VAMP4: variants seen among roughly 807,000 people sequenced by gnomAD.
VAMP4 encodes the protein vesicle-associated membrane protein 4.
Under a neutral mutation model 23.5 loss-of-function variants are expected in VAMP4, and 19 were observed. The observed-to-expected ratio is 0.81, with a 90% CI of 0.56 to 1.19. The LOEUF is 1.19. Among genes scored for constraint, VAMP4 ranks in the 50% most tolerant of loss-of-function variants. The pLI is 0.00. For synonymous variants in VAMP4, 31 were observed against 51.0 expected, an observed-to-expected ratio of 0.61 and a Z score of 1.67; for missense variants, 145 against 168.6, an observed-to-expected ratio of 0.86 and a Z score of 0.78.
At chr1:171,711,039 A>T (rs1388405869) in intron 4 of VAMP4, among the ~76,000 whole-genome samples, 1 of 152,160 alleles carries the variant, frequency 6.6e-6, no homozygotes, top group African/African-American at 2.4e-5. Flanking sequence ...AAGATAGCTT[A>T]CTTTTAGCCC....
intron 2 of VAMP4, among the ~76,000 whole-genome samples, chr1:171,736,640 C>T (rs1655749167): frequency 6.7e-6 from 1 of 148,764 alleles, no homozygotes; most frequent in Admixed American, 6.7e-5. Context: ...GATTCTATTT[C>T]CCCATTAAAA....
chr1:171,739,875 C>A (rs1655873071), intron 1 of VAMP4, among the ~76,000 whole-genome samples: 1 of 152,156 alleles, frequency 6.6e-6, no homozygotes, highest in Non-Finnish European at 1.5e-5. Context: ...TTGTGACTTT[C>A]CAGGAAAATG....
At chr1:171,728,438 C>A in intron 3 of VAMP4, 86 bp downstream of exon 3, 1 of 1,122,096 alleles carries the variant, frequency 8.9e-7, no homozygotes, top group Non-Finnish European at 1.2e-6. Context: ...TACTGCATAT[C>A]TGTCAAAATG....
chr1:171,739,687 C>A (rs1655866419), intron 1 of VAMP4, among the ~76,000 whole-genome samples: 3 of 152,144 alleles, frequency 2.0e-5, no homozygotes, highest in Admixed American at 2.0e-4. Flanking sequence ...TTAGAGGACA[C>A]CCAGCTGGAG....
intron 2 of VAMP4, among the ~76,000 whole-genome samples, chr1:171,730,650 C>T (rs905053575): frequency 6.8e-5 from 10 of 146,500 alleles, no homozygotes; most frequent in African/African-American, 2.0e-4. Context: ...ATTAACACTA[C>T]CATTAAAATA....
chr1:171,710,416 C>T (rs947257569), intron 5 of VAMP4, among the ~76,000 whole-genome samples: 2 of 151,818 alleles, frequency 1.3e-5, no homozygotes, highest in Non-Finnish European at 2.9e-5. Flanking sequence ...TCTTTAGGCC[C>T]TGAGATCATG....
rs566124066 is a variant in VAMP4, at chr1:171,737,444, G to T, written c.66+905C>A. Among the ~76,000 whole-genome samples, 4 of 152,212 alleles carry T rather than the reference G, an allele frequency of 2.6e-5. No individual in the cohort carries two copies. In the East Asian group the frequency reaches 7.7e-4, roughly 29 times the overall value. On this transcript the variant is annotated intron_variant, in intron 2 of 7. Coordinates refer to ENST00000236192, the MANE Select transcript of VAMP4 (RefSeq NM_003762.5). ...TTCTAGATTTATATATATTTGCATA[G>T]AATGTTCTGGAATAAACTAGAAATT...
intron 5 of VAMP4, among the ~76,000 whole-genome samples, chr1:171,710,183 C>T (rs998508090): frequency 2.0e-5 from 3 of 150,412 alleles, no homozygotes; most frequent in African/African-American, 4.9e-5. Flanking sequence ...TGTGACTAAG[C>T]GAGGTGTTTT....
intron 2 of VAMP4, among the ~76,000 whole-genome samples, chr1:171,733,689 G>A (rs1655635950): frequency 6.6e-6 from 1 of 152,190 alleles, no homozygotes; most frequent in East Asian, 1.9e-4. Context: ...AAGTGTTGGT[G>A]AGGATGTGGA....
chr1:171,726,617 C>A (rs1431212051), intron 3 of VAMP4, among the ~76,000 whole-genome samples: 1 of 152,048 alleles, frequency 6.6e-6, no homozygotes, highest in Non-Finnish European at 1.5e-5. Flanking sequence ...TGGCCATATT[C>A]CCCCAGTTTC....
chr1:171,710,862 T>C (rs1654827296), intron 4 of VAMP4, 48 bp from the exon 5 acceptor site: 1 of 1,368,474 alleles, frequency 7.3e-7, no homozygotes, highest in Non-Finnish European at 1.0e-6. Flanking sequence ...TTGAGAATGC[T>C]TACAATTTTT....
At chr1:171,741,755 C>T (rs1432609126) in intron 1 of VAMP4, among the ~76,000 whole-genome samples, 155 bp downstream of exon 1, 1 of 152,216 alleles carries the variant, frequency 6.6e-6, no homozygotes, top group Admixed American at 6.5e-5. Context: ...ACCCCCGGCC[C>T]CAACCTTTTC....
chr1:171,727,240 CA>C (rs35549560), intron 3 of VAMP4, among the ~76,000 whole-genome samples: 51 of 85,088 alleles, frequency 6.0e-4, no homozygotes, highest in South Asian at 1.5e-3. Flanking sequence ...TACCTTGTCT[CA>C]AAAAAAAAAA....
At position 171,706,403 on chromosome 1, in the gene VAMP4, C is replaced by T; in HGVS notation, c.361G>A (p.Ala121Thr). The T allele has an allele frequency of 6.2e-7, 1 of 1,608,432 alleles. No homozygotes were observed. Among genetic ancestry groups the T allele is most frequent in the Non-Finnish European group, 8.5e-7 (1 of 1,177,208 alleles). Residue 121 changes from alanine (A) to threonine (T), a missense_variant, in exon 7 of 8, where the codon GCT (alanine) becomes ACT (threonine). Coordinates refer to ENST00000236192, the MANE Select transcript of VAMP4 (RefSeq NM_003762.5). ...WRGCKIKAIMALVAAILLLVI... is the reference protein window; with the variant it reads ...WRGCKIKAIMTLVAAILLLVI... ...AGCAAAAGGATAGCAGCAACCAAAG[C>T]CATGATGGCTTTTATCTACAACACA...
chr1:171,709,606 G>A, intron 6 of VAMP4, 59 bp downstream of exon 6: 1 of 1,489,592 alleles, frequency 6.7e-7, no homozygotes, highest in Non-Finnish European at 9.3e-7. Flanking sequence ...TTTTCTTCAT[G>A]TGTTTGAATA....
intron 1 of VAMP4, among the ~76,000 whole-genome samples, chr1:171,741,503 A>AC (rs1195256099): frequency 2.3e-5 from 3 of 130,538 alleles, no homozygotes; most frequent in African/African-American, 5.9e-5. Flanking sequence ...AGCTCCGTTC[A>AC]CCCCCCACAC....
rs1654392642 is a variant in VAMP4 at position 171,700,518 on chromosome 1, G to C, written c.*3988C>G. On this transcript the variant is annotated 3_prime_UTR_variant, in exon 8 of 8. Coordinates refer to ENST00000236192, the MANE Select transcript of VAMP4 (RefSeq NM_003762.5). ...TCTACTTTGTGGCTTTAAAATATTG[G>C]ATACTTTGATTTTAAGACTACTTTA... 6.6e-6 allele frequency: 1 copy of C among 152,064 alleles called. No homozygotes were observed. The highest frequency in any genetic ancestry group is 6.5e-5 in the Admixed American group (1 of 15,270). The allele number at this position is 152,064 out of a possible 1,614,324, so 9.4% of individuals were successfully genotyped here. A position where few individuals can be genotyped will look rare whatever the true frequency, so the allele number is the denominator to read the frequency against.
chr1:171,703,565 A>G lies in VAMP4; in HGVS notation c.*941T>C, dbSNP rs997843383. 1 of 150,968 alleles carries G rather than the reference A, an allele frequency of 6.6e-6. No individual in the cohort carries two copies. The highest frequency in any genetic ancestry group is 1.5e-5 in the Non-Finnish European group (1 of 67,500). The allele number at this position is 150,968 out of a possible 1,614,324, so 9.4% of individuals were successfully genotyped here. On this transcript the variant is annotated 3_prime_UTR_variant, in exon 8 of 8. Transcript: ENST00000236192. ...CTCCTCAAGGATGAACAGGAAATGC[A>G]AAGATATAAAATTCAAAGTATTAAT...
In VAMP4 at chr1:171,706,348, T is replaced by C. The variant is rs956611468; in HGVS notation, c.397+19A>G. 1.3e-6 allele frequency: 2 copies of C among 1,596,530 alleles called. No individual in the cohort carries two copies. Among genetic ancestry groups the C allele is most frequent in the Admixed American group, 3.5e-5 (2 of 56,422 alleles). ...AAATAAATGATACCCTAGGAAGTAA[T>C]AATCCAATAAATACTTACTGATAAT... On this transcript the variant is annotated intron_variant, in intron 7 of 7. Coordinates refer to ENST00000236192, the MANE Select transcript of VAMP4 (RefSeq NM_003762.5).
Sources: gnomAD v4.1 joint callset for allele counts (sites outside exome capture counted in the v4.1 genomes callset) on GRCh38, gnomAD v4.1.1 for gene constraint, MANE v1.5 for transcripts, NCBI Gene and HGNC (gene_info 2026-07-23, HGNC 2026-07-21) for gene names.